The following ZNF638 variants were observed in gnomAD, a reference collection of about 807,000 sequenced individuals.
ZNF638 encodes zinc finger protein 638, also known as CTCL tumor antigen se33-1.
Under a neutral mutation model 195.6 loss-of-function variants are expected in ZNF638, and 46 were observed. That is an observed-to-expected ratio of 0.24 (90% CI 0.19 to 0.30). The LOEUF (loss-of-function observed/expected upper bound fraction) is 0.30. Ranked by LOEUF, ZNF638 falls within the 10% of genes least tolerant of loss-of-function variation. The pLI is 1.00. For synonymous variants in ZNF638, 845 were observed against 772.0 expected (o/e 1.09, Z -1.57); for missense variants, 2,440 against 2,325.3 (o/e 1.05, Z -1.01).
chr2:71,387,452 C>G (rs776765553), intron 10 of ZNF638, among the ~76,000 whole-genome samples: 1 of 152,074 alleles, frequency 6.6e-6, no homozygotes, highest in Non-Finnish European at 1.5e-5. Context: ...GGCTGGATCA[C>G]TTGAGGCCAG....
rs182020252 is a variant in ZNF638, at chr2:71,345,459, A to G, written c.-202-3294A>G. 5.3e-5 allele frequency among the ~76,000 whole-genome samples: 8 copies of G among 152,304 alleles called. No individual in the cohort carries two copies. In the East Asian group the frequency reaches 1.5e-3, roughly 29 times the overall value. The stretch of plus-strand genomic sequence containing the variant: ...CCTAGGCTGGAGTACAGTGGTGGAA[A>G]CAGCTCAGTGCAGCCTTGACATCCT... On this transcript the variant is annotated intron_variant, in intron 1 of 27. Transcript: ENST00000264447.
intron 8 of ZNF638, among the ~76,000 whole-genome samples, chr2:71,377,780 C>A (rs182231273): frequency 6.6e-6 from 1 of 152,144 alleles, no homozygotes; most frequent in Non-Finnish European, 1.5e-5. Context: ...AAGAGGACAT[C>A]ATTTAAATTC....
chr2:71,416,797 A>G (rs1313414474), intron 20 of ZNF638, among the ~76,000 whole-genome samples: 1 of 109,196 alleles, frequency 9.2e-6, no homozygotes, highest in Non-Finnish European at 1.8e-5. Context: ...CTCGGGGGTC[A>G]GGGGTCAGGG....
chr2:71,414,031 T>A (rs1253161441), intron 20 of ZNF638, among the ~76,000 whole-genome samples: 12 of 134,540 alleles, frequency 8.9e-5, no homozygotes, highest in African/African-American at 3.3e-4. Flanking sequence ...TTCTGTTGAT[T>A]GGAATAGTTT....
intron 1 of ZNF638, among the ~76,000 whole-genome samples, chr2:71,334,051 A>C (rs1004601360): frequency 7.2e-5 from 11 of 152,330 alleles, no homozygotes; most frequent in African/African-American, 2.4e-4. Flanking sequence ...TTGTGCTTCT[A>C]TAAACTTTTT....
chr2:71,385,914 G>T (rs571053604), intron 10 of ZNF638, among the ~76,000 whole-genome samples: 17 of 151,746 alleles, frequency 1.1e-4, no homozygotes, highest in Non-Finnish European at 2.4e-4. Context: ...TTAACATATA[G>T]TGTCTGCGAG....
chr2:71,342,810 T>C (rs1319704055), intron 1 of ZNF638, among the ~76,000 whole-genome samples: 2 of 152,206 alleles, frequency 1.3e-5, no homozygotes, highest in Non-Finnish European at 2.9e-5. Context: ...ACTTTTTTTC[T>C]GTCTTCATAG....
chr2:71,384,663 C>T (rs1195333620), intron 10 of ZNF638, among the ~76,000 whole-genome samples: 1 of 151,464 alleles, frequency 6.6e-6, no homozygotes, highest in African/African-American at 2.4e-5. Context: ...AGGCTCATCT[C>T]TGATGAAACT....
chr2:71,351,064 G>A (rs575049092), intron 2 of ZNF638, among the ~76,000 whole-genome samples: 2 of 152,282 alleles, frequency 1.3e-5, no homozygotes, highest in African/African-American at 4.8e-5. Flanking sequence ...CTTACGTATG[G>A]TTGGCAATCA....
intron 20 of ZNF638, chr2:71,408,863 C>A (rs762978037): frequency 1.8e-5 from 4 of 226,406 alleles, no homozygotes; most frequent in Non-Finnish European, 3.8e-5. Flanking sequence ...AAGGCAATTT[C>A]ATCATCTAAA....
rs759699030 is a variant in ZNF638, at chr2:71,433,261, C to T, written c.5849C>T (p.Thr1950Ile). 31 of 1,613,220 alleles carry T rather than the reference C, an allele frequency of 1.9e-5. No individual in the cohort carries two copies. Among genetic ancestry groups the T allele is most frequent in the Non-Finnish European group, 2.5e-6 (3 of 1,179,334 alleles). Residue 1950 changes from threonine (T) to isoleucine (I), a missense_variant, in exon 27 of 28, where the codon ACA becomes ATA. Thr to Ile is a moderately conservative substitution (Grantham distance 89). Coordinates refer to ENST00000264447, the MANE Select transcript of ZNF638 (RefSeq NM_014497.5). The part of the protein sequence containing the change: ...EKAMTNHCKS[T>I]RHKQNTEKFM... ...GCAATGACAAATCACTGCAAGAGTA[C>T]ACGTCATAAGCAAAATACTGAGGTA... is the stretch of plus-strand genomic sequence containing the variant.
chr2:71,400,393 T>G (rs2079982964), intron 14 of ZNF638, 85 bp from the exon 15 acceptor site: 2 of 1,330,488 alleles, frequency 1.5e-6, no homozygotes, highest in Non-Finnish European at 2.1e-6. Flanking sequence ...CACGTTTTCA[T>G]GTAGCTACTG....
At chr2:71,392,649 T>TA (rs2079806116) in intron 10 of ZNF638, among the ~76,000 whole-genome samples, 1 of 152,102 alleles carries the variant, frequency 6.6e-6, no homozygotes, top group Non-Finnish European at 1.5e-5. Context: ...ACCTGCAGCT[T>TA]ATGACGTCAC....
At chr2:71,395,278 T>G (rs1393697778) in intron 10 of ZNF638, 1 of 717,330 alleles carries the variant, frequency 1.4e-6, no homozygotes, top group Non-Finnish European at 2.6e-6. Context: ...CAGTAATCGC[T>G]ACGCCTGACA....
intron 27 of ZNF638, among the ~76,000 whole-genome samples, 197 bp from the exon 28 acceptor site, chr2:71,434,545 A>G (rs1475250450): frequency 1.3e-5 from 2 of 152,202 alleles, no homozygotes; most frequent in Non-Finnish European, 2.9e-5. Context: ...ATCCTCAGGC[A>G]CCAAGTGTAA....
In ZNF638 at chr2:71,349,696, A is replaced by G. The variant is rs1397122201; in HGVS notation, c.742A>G (p.Ile248Val). Residue 248 changes from isoleucine to valine, a missense_variant, in exon 2 of 28, where the codon ATT becomes GTT. Ile to Val is a conservative substitution (Grantham distance 29, BLOSUM62 3). Coordinates refer to ENST00000264447, the MANE Select transcript of ZNF638 (RefSeq NM_014497.5). ...VENEFQSQQN[I>V]SASVPNPNVI... ...GAATGAATTTCAGTCACAGCAGAACATTTCTGCATCTGTTCCCAATCCAAA... is the reference window on the plus strand; with the variant it reads ...GAATGAATTTCAGTCACAGCAGAACGTTTCTGCATCTGTTCCCAATCCAAA... 6.2e-7 allele frequency: 1 copy of G among 1,614,198 alleles called. No individual in the cohort carries two copies. Among genetic ancestry groups the G allele is most frequent in the Admixed American group, 1.7e-5 (1 of 60,024 alleles).
intron 16 of ZNF638, 103 bp from the exon 17 acceptor site, chr2:71,403,767 C>A: frequency 1.3e-6 from 1 of 776,856 alleles, no homozygotes. Flanking sequence ...CTAAGTTGTT[C>A]AATCCACTTG....
rs563380905 is a variant in ZNF638, at chr2:71,390,697, T to G, written c.2378-5444T>G. On this transcript the variant is annotated intron_variant, in intron 10 of 27. Coordinates refer to ENST00000264447, the MANE Select transcript of ZNF638 (RefSeq NM_014497.5). The stretch of plus-strand genomic sequence containing the variant: ...CCATGATTACCTTAAAAATCGGAAA[T>G]AAGAATTTTACTGGCTTATAGGATA... Among the ~76,000 whole-genome samples the G allele has an allele frequency of 1.2e-4, 19 of 152,134 alleles. No individual in the cohort carries two copies. In the South Asian group the frequency reaches 1.7e-3, roughly 13 times the overall value.
chr2:71,341,794 A>G (rs2078766345), intron 1 of ZNF638: 1 of 152,154 alleles, frequency 6.6e-6, no homozygotes. Context: ...TTAAAGGAGA[A>G]AGGTTTTATA....
Sources: allele counts gnomAD v4.1 joint callset (sites outside exome capture counted in the v4.1 genomes callset), GRCh38; gene constraint gnomAD v4.1.1; transcripts MANE v1.5; gene names NCBI Gene and HGNC (gene_info 2026-07-23, HGNC 2026-07-21).